Variants in LRBA observed in about 807,000 individuals in gnomAD.
The protein encoded by LRBA is lipopolysaccharide-responsive and beige-like anchor protein.
Under a neutral mutation model 330.0 loss-of-function variants are expected in LRBA, and 176 were observed. That is an observed-to-expected ratio of 0.53 (90% confidence interval 0.47 to 0.60). The LOEUF is 0.60. LRBA is among the 20% of genes least tolerant of loss of function. LRBA has a pLI of 0.00. For synonymous variants in LRBA, 1,230 were observed against 1,193.0 expected, an observed-to-expected ratio of 1.03 and a Z score of -0.64; for missense variants, 3,259 against 3,444.8, an observed-to-expected ratio of 0.95 and a Z score of 1.35.
intron 44 of LRBA, among the ~76,000 whole-genome samples, chr4:150,454,745 C>T (rs1753828748): frequency 6.6e-6 from 1 of 151,996 alleles, no homozygotes; most frequent in South Asian, 2.1e-4. Context: ...AGCCTTCTCC[C>T]TTCTAAGTCT....
chr4:150,676,727 CCCAA>C (rs1481411881), intron 37 of LRBA, among the ~76,000 whole-genome samples: 1 of 151,942 alleles, frequency 6.6e-6, no homozygotes, highest in Admixed American at 6.6e-5. Flanking sequence ...TTTATTTGCT[CCCAA>C]CCCTTTGGAA....
chr4:150,382,249 A>G (rs945457384), intron 47 of LRBA, among the ~76,000 whole-genome samples: 12 of 152,178 alleles, frequency 7.9e-5, no homozygotes, highest in African/African-American at 2.9e-4. Context: ...AATTGGCTCT[A>G]GCCTATCATT....
intron 28 of LRBA, among the ~76,000 whole-genome samples, chr4:150,841,455 T>C (rs1049237262): frequency 1.3e-5 from 2 of 152,176 alleles, no homozygotes; most frequent in Admixed American, 6.5e-5. Context: ...ATGTATTTCA[T>C]ACATATTTTT....
intron 2 of LRBA, among the ~76,000 whole-genome samples, chr4:150,948,259 G>A (rs920311303): frequency 2.0e-5 from 3 of 152,176 alleles, no homozygotes; most frequent in Non-Finnish European, 4.4e-5. Flanking sequence ...TCAACACTGT[G>A]AGGAACTGGT....
chr4:150,378,544 A>G lies in LRBA; in HGVS notation c.7195-28385T>C, dbSNP rs930970019. 6.6e-5 allele frequency among the ~76,000 whole-genome samples: 10 copies of G among 152,360 alleles called. No homozygotes were observed. The East Asian group carries it at 1.9e-3, about 29-fold the overall frequency. ...AATTTTCTTAAAAGGAAGTCCAGAT[A>G]CTAAAAACAACTTCAGGATGTAAAA... On this transcript the variant is annotated intron_variant, in intron 47 of 56. Transcript: ENST00000651943.
chr4:150,513,885 C>T lies in LRBA; in HGVS notation c.6331-22850G>A, dbSNP rs544656605. On this transcript the variant is annotated intron_variant, in intron 40 of 56. Transcript: ENST00000651943. Reference sequence around the variant, plus strand: ...AAATACACATCAGTCCATAGCATCTCCAACAAGTCACTCCATGAAACTTGG... The same window carrying T: ...AAATACACATCAGTCCATAGCATCTTCAACAAGTCACTCCATGAAACTTGG... Among the ~76,000 whole-genome samples the T allele has an allele frequency of 4.6e-5, 7 of 152,252 alleles. No individual in the cohort carries two copies. In the South Asian group the frequency reaches 1.5e-3, roughly 32 times the overall value.
At chr4:150,432,322 T>G (rs1750498506) in intron 46 of LRBA, among the ~76,000 whole-genome samples, 1 of 152,052 alleles carries the variant, frequency 6.6e-6, no homozygotes, top group Admixed American at 6.6e-5. Context: ...CTTTAGTATT[T>G]CTAGGAACTC....
intron 52 of LRBA, among the ~76,000 whole-genome samples, chr4:150,308,429 G>A (rs191363295): frequency 6.6e-6 from 1 of 152,342 alleles, no homozygotes; most frequent in South Asian, 2.1e-4. Context: ...ATTATGTATA[G>A]TGCATAATAC....
intron 34 of LRBA, among the ~76,000 whole-genome samples, chr4:150,768,518 C>T (rs1383281363): frequency 6.6e-6 from 1 of 151,976 alleles, no homozygotes; most frequent in Non-Finnish European, 1.5e-5. Context: ...ATGAAAAAGG[C>T]AAGATAAATT....
chr4:150,685,734 C>G (rs970858800), intron 36 of LRBA, among the ~76,000 whole-genome samples: 1 of 151,656 alleles, frequency 6.6e-6, no homozygotes, highest in Non-Finnish European at 1.5e-5. Flanking sequence ...CGCGCCTGGC[C>G]AAGAATCAAA....
At chr4:151,013,911 G>A (rs530572725) in intron 2 of LRBA, 1 of 152,624 alleles carries the variant, frequency 6.6e-6, no homozygotes, top group South Asian at 2.1e-4. Context: ...ACTTTTGTTA[G>A]TTATGTCTAA....
At chr4:150,974,166 G>A (rs1231293737) in intron 2 of LRBA, among the ~76,000 whole-genome samples, 1 of 152,054 alleles carries the variant, frequency 6.6e-6, no homozygotes, top group Non-Finnish European at 1.5e-5. Flanking sequence ...AACAAACAAG[G>A]TCTCAACTCA....
At chr4:150,440,059 C>A (rs534937840) in intron 44 of LRBA, among the ~76,000 whole-genome samples, 1 of 152,172 alleles carries the variant, frequency 6.6e-6, no homozygotes, top group South Asian at 2.1e-4. Flanking sequence ...TATTAAGAGT[C>A]AAAATTCTAA....
chr4:150,380,415 G>T (rs906683008), intron 47 of LRBA, among the ~76,000 whole-genome samples: 1 of 152,172 alleles, frequency 6.6e-6, no homozygotes, highest in African/African-American at 2.4e-5. Flanking sequence ...TAAGGCAAGA[G>T]ATTTGAACCC....
At chr4:150,829,188 G>C (rs926009186) in intron 29 of LRBA, among the ~76,000 whole-genome samples, 1 of 151,920 alleles carries the variant, frequency 6.6e-6, no homozygotes, top group East Asian at 1.9e-4. Context: ...TACCTGCCTC[G>C]GCCTCCCAAA....
intron 40 of LRBA, among the ~76,000 whole-genome samples, chr4:150,556,090 A>C (rs190335003): frequency 8.1e-4 from 123 of 152,240 alleles, no homozygotes; most frequent in African/African-American, 2.8e-3. Context: ...GGTATGAGCC[A>C]CTGTGCTCAG....
At chr4:150,563,891 A>C (rs1321148633) in intron 40 of LRBA, among the ~76,000 whole-genome samples, 1 of 152,244 alleles carries the variant, frequency 6.6e-6, no homozygotes, top group Non-Finnish European at 1.5e-5. Context: ...AGGAGGACAC[A>C]AACAAATGGA....
intron 2 of LRBA, among the ~76,000 whole-genome samples, chr4:150,942,782 C>T (rs1019035638): frequency 6.6e-6 from 1 of 151,988 alleles, no homozygotes; most frequent in Non-Finnish European, 1.5e-5. Flanking sequence ...AAAATGTGTC[C>T]ATTCATAGCC....
intron 2 of LRBA, among the ~76,000 whole-genome samples, chr4:150,991,053 CAA>C (rs543266001): frequency 2.3e-4 from 14 of 59,998 alleles, no homozygotes; most frequent in Non-Finnish European, 1.8e-4. Context: ...ACTCTGTCTC[CAA>C]AAAAAAAAAA....
Sources: gnomAD v4.1 joint callset for allele counts (sites outside exome capture counted in the v4.1 genomes callset) on GRCh38, gnomAD v4.1.1 for gene constraint, MANE v1.5 for transcripts, NCBI Gene and HGNC (gene_info 2026-07-23, HGNC 2026-07-21) for gene names.